Variants in HS6ST3 observed in about 807,000 individuals in gnomAD.
The protein encoded by HS6ST3 is heparan sulfate 6-O-sulfotransferase 3.
In HS6ST3, 12 loss-of-function variants were observed where a neutral mutation model predicts 36.7. The observed-to-expected ratio is 0.33, with a 90% CI of 0.21 to 0.53. The LOEUF is 0.53. Among genes scored for constraint, HS6ST3 ranks in the 20% least tolerant of loss-of-function variants. HS6ST3 has a pLI of 0.95. For synonymous variants in HS6ST3, 240 were observed against 257.5 expected (o/e 0.93, Z 0.65); for missense variants, 584 against 640.9 (o/e 0.91, Z 0.96).
intron 1 of HS6ST3, among the ~76,000 whole-genome samples, chr13:96,190,200 A>G (rs908927135): frequency 1.3e-5 from 2 of 152,192 alleles, no homozygotes; most frequent in Non-Finnish European, 1.5e-5. Flanking sequence ...AATTTGTACA[A>G]TAAATACTTA....
At chr13:96,615,814 A>G (rs72642797) in intron 1 of HS6ST3, among the ~76,000 whole-genome samples, 1,636 of 152,296 alleles carry the variant, frequency 0.011, 21 homozygotes, top group African/African-American at 0.025. Context: ...ATGTACCAAA[A>G]GCTGATTTCA....
chr13:96,340,982 G>C (rs1364097745), intron 1 of HS6ST3, among the ~76,000 whole-genome samples: 1 of 152,136 alleles, frequency 6.6e-6, no homozygotes, highest in African/African-American at 2.4e-5. Context: ...GAAAAATCAA[G>C]CATTTATTCC....
chr13:96,527,871 G>T (rs562510990), intron 1 of HS6ST3, among the ~76,000 whole-genome samples: 8 of 152,250 alleles, frequency 5.3e-5, no homozygotes, highest in South Asian at 2.1e-4. Flanking sequence ...AGACTGTCAG[G>T]GGTGTCTTCA....
intron 1 of HS6ST3, among the ~76,000 whole-genome samples, chr13:96,418,888 A>G (rs562093548): frequency 4.1e-4 from 63 of 152,314 alleles, no homozygotes; most frequent in African/African-American, 1.5e-3. Flanking sequence ...TAGCTTCCTC[A>G]AGATCAAACC....
chr13:96,707,300 T>C (rs1249262196), intron 1 of HS6ST3, among the ~76,000 whole-genome samples: 1 of 152,108 alleles, frequency 6.6e-6, no homozygotes, highest in African/African-American at 2.4e-5. Flanking sequence ...TGTCTGTAAA[T>C]TGGAAAGAGG....
intron 1 of HS6ST3, among the ~76,000 whole-genome samples, chr13:96,268,497 G>A (rs1291613508): frequency 6.6e-6 from 1 of 151,828 alleles, no homozygotes; most frequent in Non-Finnish European, 1.5e-5. Context: ...TTCCTCCCAC[G>A]ACACATGGGG....
At chr13:96,616,943 A>G (rs1293180458) in intron 1 of HS6ST3, among the ~76,000 whole-genome samples, 1 of 152,222 alleles carries the variant, frequency 6.6e-6, no homozygotes, top group Non-Finnish European at 1.5e-5. Context: ...TTCATGAGAT[A>G]ATAGTGGTTA....
chr13:96,586,542 C>T (rs529542231), intron 1 of HS6ST3, among the ~76,000 whole-genome samples: 54 of 152,078 alleles, frequency 3.6e-4, no homozygotes, highest in African/African-American at 8.9e-4. Flanking sequence ...ATGATCTGCC[C>T]GCCTCAGCCT....
chr13:96,397,282 C>T (rs1034650879), intron 1 of HS6ST3, among the ~76,000 whole-genome samples: 1 of 152,052 alleles, frequency 6.6e-6, no homozygotes, highest in Non-Finnish European at 1.5e-5. Flanking sequence ...ACTTTTAAAG[C>T]GTGTTGTAGA....
intron 1 of HS6ST3, among the ~76,000 whole-genome samples, chr13:96,307,477 C>G (rs896364604): frequency 1.3e-5 from 2 of 151,852 alleles, no homozygotes; most frequent in Admixed American, 1.3e-4. Flanking sequence ...TTTGATGAGT[C>G]TGTTAAAAAA....
rs2055478262 is a variant in HS6ST3 at position 96,406,345 on chromosome 13, A to ACTCAAATG, written c.707+314776_707+314777insCTCAAATG. Among the ~76,000 whole-genome samples, 6 of 152,322 alleles carry ACTCAAATG rather than the reference A, an allele frequency of 3.9e-5. No homozygotes were observed. In the South Asian group the frequency reaches 1.2e-3, roughly 32 times the overall value. On this transcript the variant is annotated intron_variant, in intron 1 of 1. Transcript: ENST00000376705. The stretch of plus-strand genomic sequence containing the variant: ...ACCGATTTCTTTGTTCTCAAATACT[A>ACTCAAATG]GTGAGTACAACCATTACCTATTTTT...
chr13:96,643,373 A>G (rs2139008031), intron 1 of HS6ST3, among the ~76,000 whole-genome samples: 1 of 152,028 alleles, frequency 6.6e-6, no homozygotes, highest in South Asian at 2.1e-4. Context: ...ACACAGCCTT[A>G]GCTATATGCA....
intron 1 of HS6ST3, among the ~76,000 whole-genome samples, chr13:96,193,276 C>T (rs891540003): frequency 8.5e-5 from 13 of 152,194 alleles, no homozygotes; most frequent in African/African-American, 3.1e-4. Flanking sequence ...ATCATCTTCT[C>T]AAAGCCGAAC....
chr13:96,599,361 G>A (rs767724663), intron 1 of HS6ST3, among the ~76,000 whole-genome samples: 1 of 151,862 alleles, frequency 6.6e-6, no homozygotes, highest in African/African-American at 2.4e-5. Flanking sequence ...TCCTGATTCA[G>A]GCTTGGAAGA....
chr13:96,755,672 G>GT (rs1295982873), intron 1 of HS6ST3, among the ~76,000 whole-genome samples: 2 of 152,078 alleles, frequency 1.3e-5, no homozygotes, highest in Admixed American at 6.6e-5. Flanking sequence ...TAATAGTTCA[G>GT]TTTTTTATGC....
chr13:96,723,466 A>G (rs1594845273), intron 1 of HS6ST3, among the ~76,000 whole-genome samples: 1 of 152,268 alleles, frequency 6.6e-6, no homozygotes, highest in Non-Finnish European at 1.5e-5. Context: ...CTTGCATATG[A>G]GAGAGAAACA....
intron 1 of HS6ST3, among the ~76,000 whole-genome samples, chr13:96,407,438 A>C (rs1318516684): frequency 1.3e-5 from 2 of 152,218 alleles, no homozygotes; most frequent in Admixed American, 1.3e-4. Context: ...GGATAATAAT[A>C]GTATCTACCT....
intron 1 of HS6ST3, among the ~76,000 whole-genome samples, chr13:96,555,843 C>T (rs974136775): frequency 2.0e-5 from 3 of 151,910 alleles, no homozygotes; most frequent in African/African-American, 7.3e-5. Flanking sequence ...ATACAGTATA[C>T]TGAACTGAAG....
chr13:96,723,590 T>C (rs1875911075), intron 1 of HS6ST3, among the ~76,000 whole-genome samples: 1 of 152,212 alleles, frequency 6.6e-6, no homozygotes, highest in Non-Finnish European at 1.5e-5. Context: ...TAATCTGCTT[T>C]TCATTAGTAC....
Sources: gnomAD v4.1 joint callset for allele counts (sites outside exome capture counted in the v4.1 genomes callset) on GRCh38, gnomAD v4.1.1 for gene constraint, MANE v1.5 for transcripts, NCBI Gene and HGNC (gene_info 2026-07-23, HGNC 2026-07-21) for gene names.